TRPM6: variants seen among roughly 807,000 people sequenced by gnomAD.
TRPM6 encodes transient receptor potential cation channel subfamily M member 6, also known as channel kinase 2.
TRPM6 carries 111 observed loss-of-function variants against 247.6 expected under a neutral mutation model. The observed-to-expected ratio is 0.45, with a 90% CI of 0.38 to 0.52. The LOEUF is 0.52. TRPM6 is among the 20% of genes least tolerant of loss of function. The probability of loss-of-function intolerance (pLI) is 0.00; values close to 1 mark genes in which losing one functional copy is unlikely to be tolerated. For synonymous variants in TRPM6, 892 were observed against 853.8 expected, an observed-to-expected ratio of 1.04 and a Z score of -0.78; for missense variants, 2,126 against 2,421.5, an observed-to-expected ratio of 0.88 and a Z score of 2.56.
intron 20 of TRPM6, among the ~76,000 whole-genome samples, chr9:74,786,614 C>CCTGT (rs1216497825): frequency 6.6e-6 from 1 of 152,068 alleles, no homozygotes; most frequent in Non-Finnish European, 1.5e-5. Flanking sequence ...GTTGCGGGTG[C>CCTGT]CTGTAGTCCC....
At chr9:74,816,465 GAAAAA>G (rs34100441) in intron 11 of TRPM6, among the ~76,000 whole-genome samples, 199 bp downstream of exon 11, 2 of 93,644 alleles carry the variant, frequency 2.1e-5, no homozygotes, top group South Asian at 4.3e-4. Context: ...GCAGAGCCAG[GAAAAA>G]AAAAAAAAAA....
chr9:74,851,410 T>C (rs1216205178), intron 3 of TRPM6, among the ~76,000 whole-genome samples: 1 of 151,782 alleles, frequency 6.6e-6, no homozygotes, highest in Non-Finnish European at 1.5e-5. Context: ...AAAATCAAAA[T>C]CTCAAAATAT....
intron 11 of TRPM6, among the ~76,000 whole-genome samples, chr9:74,812,848 T>C (rs1024131937): frequency 3.3e-5 from 5 of 151,878 alleles, no homozygotes; most frequent in Admixed American, 6.6e-5. Context: ...CATGAATGCA[T>C]CACTACACTC....
chr9:74,827,549 G>A, intron 7 of TRPM6: 1 of 651,184 alleles, frequency 1.5e-6, no homozygotes. Flanking sequence ...TCTTTGGGGG[G>A]ATCATGGAAG....
At chr9:74,786,206 C>T in intron 20 of TRPM6, 81 bp from the exon 21 acceptor site, 2 of 1,502,782 alleles carry the variant, frequency 1.3e-6, no homozygotes, top group Admixed American at 1.7e-5. Flanking sequence ...AATACACAAA[C>T]CATTCACTGA....
rs762107061 is a variant in TRPM6, at chr9:74,771,746, C to T, written c.3493G>A (p.Val1165Met). 6.2e-7 allele frequency: 1 copy of T among 1,613,870 alleles called. No individual in the cohort carries two copies. The highest frequency in any genetic ancestry group is 8.5e-7 in the Non-Finnish European group (1 of 1,179,856). ...ATTCGTTCCTCACAACTACAATTCA[C>T]ATCTTCCATCTTCTCATGGAAGTAT... ...EKYFHEKMED[V>M]NCSCEERIRV... The change falls in exon 25 of 39, where the codon GTG becomes ATG. Residue 1165 changes from valine to methionine, a missense_variant. Physicochemically the swap from Val to Met is conservative, Grantham distance 21. Transcript: ENST00000360774.
chr9:74,738,494 T>C lies in TRPM6; in HGVS notation c.5689A>G (p.Thr1897Ala), dbSNP rs1378022377. 6.2e-7 allele frequency: 1 copy of C among 1,614,000 alleles called. No homozygotes were observed. Among genetic ancestry groups the C allele is most frequent in the Non-Finnish European group, 8.5e-7 (1 of 1,180,006 alleles). Residue 1897 changes from threonine (T) to alanine (A), a missense_variant, in exon 36 of 39, where the codon ACC becomes GCC. Around this residue, in one of 3 missense-constraint regions of TRPM6, gnomAD observed 327 missense variants for 397.7 expected, o/e 0.82. Transcript: ENST00000360774. Reference sequence around the variant, plus strand: ...AACATCAGCTCCTCCAGGGTGTTGGTGGGGGTGATTTCATCACCATTGTTG... The same window carrying C: ...AACATCAGCTCCTCCAGGGTGTTGGCGGGGGTGATTTCATCACCATTGTTG... ...NNNNGDEITP[T>A]NTLEELMLAF...
At chr9:74,775,807 T>C in intron 24 of TRPM6, 76 bp downstream of exon 24, 1 of 1,472,116 alleles carries the variant, frequency 6.8e-7, no homozygotes, top group Non-Finnish European at 9.5e-7. Context: ...GAACTTAATT[T>C]ATAATACTCC....
In TRPM6 at chr9:74,808,162, AAAG is replaced by A. The variant is rs1217398229; in HGVS notation, c.1507_1509del (p.Leu503del). 3 of 1,613,854 alleles carry A rather than the reference AAAG, an allele frequency of 1.9e-6. No individual in the cohort carries two copies. Among genetic ancestry groups the A allele is most frequent in the African/African-American group, 2.7e-5 (2 of 74,928 alleles). On this transcript the variant is annotated inframe_deletion, in exon 14 of 39. Transcript: ENST00000360774. ...TCAATCAAGGTTATTCGGTAGCCTGAAAGAAGGGTATGCTGCAACAAAAACATG... is the reference window on the plus strand; with the variant it reads ...TCAATCAAGGTTATTCGGTAGCCTGAAAGGGTATGCTGCAACAAAAACATG...
At chr9:74,760,802 G>A (rs62569673) in intron 27 of TRPM6, among the ~76,000 whole-genome samples, 4,031 of 152,286 alleles carry the variant, frequency 0.026, 82 homozygotes, top group Non-Finnish European at 0.038. Context: ...ACTGGATCAT[G>A]AGGGCTCTGG....
intron 1 of TRPM6, among the ~76,000 whole-genome samples, chr9:74,869,378 G>C (rs939238215): frequency 6.0e-5 from 9 of 151,012 alleles, no homozygotes; most frequent in African/African-American, 2.2e-4. Context: ...GCTGAGGCAG[G>C]AGAATCACTT....
chr9:74,803,926 C>T (rs373926659), intron 14 of TRPM6, 40 bp from the exon 15 acceptor site: 17 of 1,211,496 alleles, frequency 1.4e-5, no homozygotes, highest in South Asian at 4.8e-5. Flanking sequence ...CTCTCTGGCA[C>T]GTTATTATTT....
chr9:74,796,997 A>T (rs1459690127), intron 17 of TRPM6, 104 bp from the exon 18 acceptor site: 2 of 1,015,402 alleles, frequency 2.0e-6, no homozygotes, highest in African/African-American at 3.2e-5. Context: ...TGCCAGACCC[A>T]TCCCAGTCAA....
chr9:74,799,352 G>T (rs1828219476), intron 17 of TRPM6, among the ~76,000 whole-genome samples: 2 of 151,890 alleles, frequency 1.3e-5, no homozygotes, highest in Non-Finnish European at 2.9e-5. Flanking sequence ...CCTTAAGCTT[G>T]TCCATAACCT....
intron 30 of TRPM6, 80 bp from the exon 31 acceptor site, chr9:74,747,994 G>T: frequency 8.0e-7 from 1 of 1,243,442 alleles, no homozygotes; most frequent in South Asian, 1.2e-5. Flanking sequence ...ACAGCACATG[G>T]AACAGTAACA....
rs149186724 is a variant in TRPM6 at position 74,812,308 on chromosome 9, G to A, written c.1434C>T (p.Leu478=). ...AATGTTCCATACTCACTGTATTGTA[G>A]AGCTCTTCCAGTCGAGGGATGGTAA... ...RFLTIPRLEE[L]YNTKQGPTNT... Residue 478 remains leucine (L), a synonymous_variant, in exon 12 of 39, where the codon CTC becomes CTT. Coordinates refer to ENST00000360774, the MANE Select transcript of TRPM6 (RefSeq NM_017662.5). The A allele has an allele frequency of 1.8e-5, 29 of 1,613,600 alleles. No individual in the cohort carries two copies. The highest frequency in any genetic ancestry group is 2.3e-5 in the Non-Finnish European group (27 of 1,179,884).
intron 3 of TRPM6, among the ~76,000 whole-genome samples, chr9:74,852,753 G>A (rs1454534961): frequency 3.3e-5 from 5 of 152,302 alleles, no homozygotes; most frequent in African/African-American, 9.6e-5. Flanking sequence ...TCGGCCTCCC[G>A]AGGTGCCGGG....
intron 21 of TRPM6, among the ~76,000 whole-genome samples, chr9:74,784,519 T>G (rs897418122): frequency 6.6e-6 from 1 of 152,154 alleles, no homozygotes; most frequent in Non-Finnish European, 1.5e-5. Context: ...TGGCCTATAG[T>G]AAGCACGATT....
intron 18 of TRPM6, among the ~76,000 whole-genome samples, chr9:74,794,752 A>T (rs1010748940): frequency 3.3e-5 from 5 of 152,174 alleles, no homozygotes; most frequent in Non-Finnish European, 5.9e-5. Context: ...ACCAATTGCT[A>T]TGATGAAGAC....
Sources: allele counts gnomAD v4.1 joint callset (sites outside exome capture counted in the v4.1 genomes callset), GRCh38; gene constraint gnomAD v4.1.1; regional missense constraint gnomAD v4.1.1; transcripts MANE v1.5; gene names NCBI Gene and HGNC (gene_info 2026-07-23, HGNC 2026-07-21).